The following ABHD12 variants were observed in gnomAD, a reference collection of about 807,000 sequenced individuals.
The protein encoded by ABHD12 is abhydrolase domain containing 12, lysophospholipase, also known as lysophosphatidylserine lipase ABHD12.
Under a neutral mutation model 58.3 loss-of-function variants are expected in ABHD12, and 43 were observed. The observed-to-expected ratio is 0.74, with a 90% CI of 0.58 to 0.95. ABHD12 has a LOEUF of 0.95. ABHD12 is among the 40% of genes least tolerant of loss of function. The pLI is 0.00. For synonymous variants in ABHD12, 219 were observed against 211.2 expected (o/e 1.04, Z -0.32); for missense variants, 539 against 537.2 (o/e 1.00, Z -0.03).
At chr20:25,298,707 G>A (rs538278124), downstream of ABHD12, among the ~76,000 whole-genome samples, 7 of 152,288 alleles carry the variant, frequency 4.6e-5, no homozygotes, top group Non-Finnish European at 1.0e-4. Flanking sequence ...CTGGCCCTGG[G>A]GACCAAAGCA....
chr20:25,387,250 A>C (rs972481661), intron 1 of ABHD12, among the ~76,000 whole-genome samples: 10 of 152,282 alleles, frequency 6.6e-5, no homozygotes, highest in African/African-American at 2.4e-4. Context: ...TTTGTTCTAG[A>C]AATACAATGC....
intron 1 of ABHD12, among the ~76,000 whole-genome samples, chr20:25,362,351 G>A (rs778917029): frequency 1.3e-5 from 2 of 151,566 alleles, no homozygotes; most frequent in Non-Finnish European, 2.9e-5. Flanking sequence ...GGTGGATAAC[G>A]AGGTCAGGAG....
At position 25,308,441 on chromosome 20, in the gene ABHD12, C is replaced by T; in HGVS notation, c.787+16G>A. 1 of 1,610,406 alleles carries T rather than the reference C, an allele frequency of 6.2e-7. No homozygotes were observed. Among genetic ancestry groups the T allele is most frequent in the South Asian group, 1.1e-5 (1 of 90,428 alleles). On this transcript the variant is annotated intron_variant, in intron 8 of 12. Transcript: ENST00000339157. ...GAATGCTCACTGCCACGGCTGGGGCCCAACAAGGCACTCACCTCGCTCACA... is the reference window on the plus strand; with the variant it reads ...GAATGCTCACTGCCACGGCTGGGGCTCAACAAGGCACTCACCTCGCTCACA...
intron 2 of ABHD12, among the ~76,000 whole-genome samples, chr20:25,328,749 C>T (rs1322169305): frequency 1.3e-5 from 2 of 152,200 alleles, no homozygotes; most frequent in Non-Finnish European, 2.9e-5. Flanking sequence ...TTCACTTTTA[C>T]TCATTTTAGA....
At chr20:25,371,517 C>T (rs948353818) in intron 1 of ABHD12, among the ~76,000 whole-genome samples, 19 of 152,298 alleles carry the variant, frequency 1.2e-4, no homozygotes, top group African/African-American at 4.6e-4. Flanking sequence ...CCTGACACTC[C>T]CCAAAGAACT....
At chr20:25,322,639 C>A (rs1004906350) in intron 3 of ABHD12, among the ~76,000 whole-genome samples, 1 of 151,784 alleles carries the variant, frequency 6.6e-6, no homozygotes, top group Non-Finnish European at 1.5e-5. Context: ...CCCGTCTCGG[C>A]CTCCCAAAGT....
chr20:25,319,491 C>T (rs956942989), intron 4 of ABHD12, among the ~76,000 whole-genome samples: 5 of 152,236 alleles, frequency 3.3e-5, no homozygotes, highest in Non-Finnish European at 7.3e-5. Flanking sequence ...CCTGCCCCTT[C>T]TCAGCACCTG....
intron 1 of ABHD12, among the ~76,000 whole-genome samples, chr20:25,359,830 A>C (rs1332150931): frequency 6.6e-6 from 1 of 152,120 alleles, no homozygotes; most frequent in East Asian, 1.9e-4. Context: ...TCAGCCTCCA[A>C]AAAGTGCTAG....
intron 2 of ABHD12, 54 bp from the exon 3 acceptor site, chr20:25,323,484 T>C (rs2089118805): frequency 2.7e-6 from 3 of 1,122,070 alleles, no homozygotes; most frequent in Non-Finnish European, 4.1e-6. Flanking sequence ...AATACACACA[T>C]GTACACACAA....
intron 1 of ABHD12, 130 bp downstream of exon 1, chr20:25,390,383 G>A (rs946093563): frequency 1.1e-6 from 1 of 944,426 alleles, no homozygotes; most frequent in Non-Finnish European, 1.4e-6. Context: ...GGCGCGGACG[G>A]GGGCGGCCGC....
chr20:25,328,484 G>A (rs944545476), intron 2 of ABHD12, among the ~76,000 whole-genome samples: 9 of 152,228 alleles, frequency 5.9e-5, no homozygotes, highest in African/African-American at 2.2e-4. Flanking sequence ...TGGGGAGTGG[G>A]CACCACTGAG....
Position 25,341,654 on chromosome 20 carries a change from C to T in ABHD12, c.192-2303G>A, listed in dbSNP as rs529059973. On this transcript the variant is annotated intron_variant, in intron 1 of 12. Transcript: ENST00000339157. The stretch of plus-strand genomic sequence containing the variant: ...TAGACTGCACATGTGAGTCCTTGCA[C>T]CAAACCTGCAACACATCTTAGCTTC... Among the ~76,000 whole-genome samples, 12 of 152,202 alleles carry T rather than the reference C, an allele frequency of 7.9e-5. No individual in the cohort carries two copies. In the South Asian group the frequency reaches 2.5e-3, roughly 32 times the overall value.
At chr20:25,296,754 G>T (rs2088553517), downstream of ABHD12, 1 of 568,970 alleles carries the variant, frequency 1.8e-6, no homozygotes, top group Non-Finnish European at 3.0e-6. Context: ...AGTACAAAGG[G>T]TCGTGGCCAG....
At chr20:25,324,357 T>C (rs551055970) in intron 2 of ABHD12, among the ~76,000 whole-genome samples, 1 of 152,122 alleles carries the variant, frequency 6.6e-6, no homozygotes, top group Non-Finnish European at 1.5e-5. Context: ...GTGGGGAGAA[T>C]GGGGGCAATT....
chr20:25,339,323 T>C lies in ABHD12; in HGVS notation c.220A>G (p.Lys74Glu). Residue 74 changes from lysine to glutamate, a missense_variant, in exon 2 of 13, where the codon AAG (lysine) becomes GAG (glutamate). By Grantham distance (56) the Lys-to-Glu change is moderately conservative. Coordinates refer to ENST00000339157, the MANE Select transcript of ABHD12 (RefSeq NM_001042472.3). ...RRKGVWLRLRKILFCVLGLYI... is the reference protein window; with the variant it reads ...RRKGVWLRLREILFCVLGLYI... ...AACCCCAAAACACAGAAAAGTATCT[T>C]CCTCAGGCGCAACCACACGCCCTTT... 1 of 1,614,126 alleles carries C rather than the reference T, an allele frequency of 6.2e-7. No individual in the cohort carries two copies. The highest frequency in any genetic ancestry group is 8.5e-7 in the Non-Finnish European group (1 of 1,180,014).
intron 6 of ABHD12, among the ~76,000 whole-genome samples, chr20:25,311,641 A>T (rs1322227633): frequency 6.6e-6 from 1 of 152,220 alleles, no homozygotes; most frequent in Non-Finnish European, 1.5e-5. Context: ...CAAGAAGGTG[A>T]AGGCAGCCAG....
In ABHD12 at chr20:25,368,706, G is replaced by GGAGACAAA. The variant is rs1240868215; in HGVS notation, c.191+21806_191+21807insTTTGTCTC. On this transcript the variant is annotated intron_variant, in intron 1 of 12. Transcript: ENST00000339157. ...GAATCTTGTCTGCAAACAGGTTGAAGGAGACGCGGCCCAAGGGCTTGCCTT... is the reference window on the plus strand; with the variant it reads ...GAATCTTGTCTGCAAACAGGTTGAAGGAGACAAAGAGACGCGGCCCAAGGGCTTGCCTT... 3.8e-5 allele frequency: 50 copies of GGAGACAAA among 1,324,506 alleles called. No individual in the cohort carries two copies. In the South Asian group the frequency reaches 5.2e-4, roughly 14 times the overall value. The allele number at this position is 1,324,506 out of a possible 1,614,324, so 82.0% of individuals were successfully genotyped here.
intron 2 of ABHD12, among the ~76,000 whole-genome samples, chr20:25,330,665 C>T (rs866132328): frequency 7.9e-5 from 12 of 152,186 alleles, no homozygotes; most frequent in African/African-American, 1.4e-4. Flanking sequence ...CCCTGACCCC[C>T]GAGCAGCCTA....
At chr20:25,346,591 T>C (rs1449052885) in intron 1 of ABHD12, among the ~76,000 whole-genome samples, 1 of 152,038 alleles carries the variant, frequency 6.6e-6, no homozygotes, top group Non-Finnish European at 1.5e-5. Context: ...GTATGGGAAA[T>C]TCTGTACTTT....
Sources: gnomAD v4.1 joint callset for allele counts (sites outside exome capture counted in the v4.1 genomes callset) on GRCh38, gnomAD v4.1.1 for gene constraint, MANE v1.5 for transcripts, NCBI Gene and HGNC (gene_info 2026-07-23, HGNC 2026-07-21) for gene names.